Variants in TRPM8 observed in about 807,000 individuals in gnomAD.
TRPM8 encodes transient receptor potential cation channel subfamily M member 8, also known as TRPM8 cationic channel.
Under a neutral mutation model 133.7 loss-of-function variants are expected in TRPM8, and 110 were observed. The ratio of observed to expected loss-of-function variants is 0.82; its 90% confidence interval spans 0.70 to 0.96. TRPM8 has a LOEUF of 0.96. TRPM8 is among the 40% of genes least tolerant of loss of function. The pLI, the probability that TRPM8 is intolerant of heterozygous loss-of-function variation, is 0.00. For synonymous variants in TRPM8, 535 were observed against 532.3 expected (o/e 1.01, Z -0.07); for missense variants, 1,291 against 1,379.5 (o/e 0.94, Z 1.02).
Position 233,942,668 on chromosome 2 carries a change from G to A in TRPM8, c.619G>A (p.Glu207Lys), listed in dbSNP as rs758491633. The change falls in exon 6 of 26, where the codon GAG becomes AAG. Residue 207 changes from glutamate to lysine, a missense_variant. Glu to Lys is a moderately conservative substitution (Grantham distance 56). Coordinates refer to ENST00000324695, the MANE Select transcript of TRPM8 (RefSeq NM_024080.5). Reference protein sequence around the residue: ...RDNTISRSSEENIVAIGIAAW... With the variant: ...RDNTISRSSEKNIVAIGIAAW... ...TAACACCATCAGCAGGAGTTCAGAG[G>A]AGAATATTGTGGCCATTGGCATAGC... 3 of 1,614,230 alleles carry A rather than the reference G, an allele frequency of 1.9e-6. No homozygotes were observed. Among genetic ancestry groups the A allele is most frequent in the Non-Finnish European group, 2.5e-6 (3 of 1,180,050 alleles).
chr2:233,939,381 C>CT (rs1291802817), intron 5 of TRPM8, among the ~76,000 whole-genome samples: 1 of 152,204 alleles, frequency 6.6e-6, no homozygotes, highest in Non-Finnish European at 1.5e-5. Flanking sequence ...CACAGTAACT[C>CT]TAAATCAGCG....
rs1166319284 is a variant in TRPM8 at position 233,982,372 on chromosome 2, G to A, written c.2589+457G>A. Among the ~76,000 whole-genome samples the A allele has an allele frequency of 2.6e-5, 4 of 152,122 alleles. No individual in the cohort carries two copies. In the East Asian group the frequency reaches 5.8e-4, roughly 22 times the overall value. On this transcript the variant is annotated intron_variant, in intron 19 of 25. Coordinates refer to ENST00000324695, the MANE Select transcript of TRPM8 (RefSeq NM_024080.5). ...TACAGGGAAAGGCTATAGCAGTCTC[G>A]TTATATACACGCAATAGAAAGAATT...
At chr2:233,979,571 T>C (rs1366401684) in intron 17 of TRPM8, among the ~76,000 whole-genome samples, 1 of 152,250 alleles carries the variant, frequency 6.6e-6, no homozygotes, top group Non-Finnish European at 1.5e-5. Flanking sequence ...TCTCTGTTTA[T>C]TTCAGTGTTT....
Position 233,970,276 on chromosome 2 carries a change from C to T in TRPM8, c.2205C>T (p.Phe735=), listed in dbSNP as rs201851046. The T allele has an allele frequency of 3.8e-5, 62 of 1,614,078 alleles. No homozygotes were observed. The highest frequency in any genetic ancestry group is 1.5e-4 in the African/African-American group (11 of 74,922). The change falls in exon 17 of 26, where the codon TTC becomes TTT. Residue 735 remains phenylalanine (F), a synonymous_variant. Transcript: ENST00000324695. ...ATGTGGCGTTCTTCACCTCCCCCTTCGTGGTCTTCTCCTGGAATGTGGTCT... is the reference window on the plus strand; with the variant it reads ...ATGTGGCGTTCTTCACCTCCCCCTTTGTGGTCTTCTCCTGGAATGTGGTCT... The part of the protein sequence containing the change: ...WYYVAFFTSP[F]VVFSWNVVFY...
chr2:233,965,459 C>T (rs1402161905), intron 14 of TRPM8, among the ~76,000 whole-genome samples: 1 of 152,172 alleles, frequency 6.6e-6, no homozygotes, highest in Admixed American at 6.5e-5. Flanking sequence ...TGCCAGTGCC[C>T]TTTGCACAGA....
chr2:233,933,718 C>T (rs1691726128), intron 3 of TRPM8: 1 of 156,624 alleles, frequency 6.4e-6, no homozygotes, highest in Non-Finnish European at 1.5e-5. Context: ...ATAGCAAGAA[C>T]AGATGGGGCG....
chr2:233,917,791 T>C (rs1229907942), intron 1 of TRPM8, among the ~76,000 whole-genome samples: 2 of 150,760 alleles, frequency 1.3e-5, no homozygotes, highest in Admixed American at 6.6e-5. Context: ...ACTGACTATC[T>C]GAAGCAATCC....
At chr2:233,951,845 A>G (rs952319818) in intron 9 of TRPM8, among the ~76,000 whole-genome samples, 1 of 152,176 alleles carries the variant, frequency 6.6e-6, no homozygotes, top group Non-Finnish European at 1.5e-5. Flanking sequence ...TTATTAATTA[A>G]TGAATGTATA....
At chr2:233,982,196 T>TA (rs1234862540) in intron 19 of TRPM8, among the ~76,000 whole-genome samples, 1 of 152,212 alleles carries the variant, frequency 6.6e-6, no homozygotes, top group Non-Finnish European at 1.5e-5. Context: ...TCTTGACAGT[T>TA]TGCTAAGAGT....
chr2:233,960,925 T>C lies in TRPM8; in HGVS notation c.1512T>C (p.Leu504=). The change falls in exon 12 of 26, where the codon CTT becomes CTC. Residue 504 remains leucine (L), a synonymous_variant. Transcript: ENST00000324695. The part of the protein sequence containing the change: ...TELFSNHFST[L]VYRNLQIAKN... ...TCTTCTCCAACCACTTCAGCACGCT[T>C]GTGTACCGGAATCTGCAGATCGCCA... is the stretch of plus-strand genomic sequence containing the variant. 6.2e-7 allele frequency: 1 copy of C among 1,614,204 alleles called. No homozygotes were observed. Among genetic ancestry groups the C allele is most frequent in the South Asian group, 1.1e-5 (1 of 91,080 alleles).
chr2:234,016,308 A>T (rs963541883), intron 25 of TRPM8, among the ~76,000 whole-genome samples: 3 of 152,220 alleles, frequency 2.0e-5, no homozygotes, highest in African/African-American at 7.2e-5. Context: ...GGCCTCAGAG[A>T]CAACAAATTT....
intron 1 of TRPM8, among the ~76,000 whole-genome samples, chr2:233,924,611 C>T (rs748997756): frequency 3.9e-5 from 6 of 152,180 alleles, no homozygotes; most frequent in Non-Finnish European, 8.8e-5. Flanking sequence ...CCAGTTGAGA[C>T]TACCAGCTGC....
At chr2:233,976,635 C>G (rs1297716702) in intron 17 of TRPM8, among the ~76,000 whole-genome samples, 3 of 152,052 alleles carry the variant, frequency 2.0e-5, no homozygotes, top group East Asian at 3.9e-4. Context: ...CTAAGTATCT[C>G]TTCTTGTTAT....
At chr2:233,959,974 G>C (rs1691391698) in intron 11 of TRPM8, among the ~76,000 whole-genome samples, 2 of 150,862 alleles carry the variant, frequency 1.3e-5, no homozygotes, top group Admixed American at 1.3e-4. Context: ...GTAGAGATGG[G>C]GTTTCACCCT....
rs1276383267 is a variant in TRPM8 at position 234,009,216 on chromosome 2, G to A, written c.3264+1113G>A. Among the ~76,000 whole-genome samples the A allele has an allele frequency of 2.6e-5, 4 of 152,368 alleles. No individual in the cohort carries two copies. In the East Asian group the frequency reaches 7.7e-4, roughly 29 times the overall value. On this transcript the variant is annotated intron_variant, in intron 24 of 25. Coordinates refer to ENST00000324695, the MANE Select transcript of TRPM8 (RefSeq NM_024080.5). Reference sequence around the variant, plus strand: ...GAATGGTTGTGGAGGAGAGGCTCCAGCAATCTGGTTGGGGAGTTAGATGCG... The same window carrying A: ...GAATGGTTGTGGAGGAGAGGCTCCAACAATCTGGTTGGGGAGTTAGATGCG...
At chr2:233,939,287 G>A in intron 5 of TRPM8, 112 bp downstream of exon 5, 1 of 1,170,048 alleles carries the variant, frequency 8.5e-7, no homozygotes, top group Non-Finnish European at 1.2e-6. Context: ...GCTGCTAGAA[G>A]CATCTGATTA....
chr2:233,947,582 G>A (rs893613049), intron 8 of TRPM8: 1 of 1,290,968 alleles, frequency 7.7e-7, no homozygotes, highest in Non-Finnish European at 1.0e-6. Flanking sequence ...TGGGGATGCA[G>A]GTATGTTGCA....
At chr2:233,988,968 T>A (rs1355344258) in intron 21 of TRPM8, among the ~76,000 whole-genome samples, 1 of 152,194 alleles carries the variant, frequency 6.6e-6, no homozygotes, top group Non-Finnish European at 1.5e-5. Flanking sequence ...AGTGATAAGA[T>A]GTCATAGCTA....
At chr2:233,960,665 T>C (rs1691409895) in intron 11 of TRPM8, 111 bp from the exon 12 acceptor site, 2 of 812,024 alleles carry the variant, frequency 2.5e-6, no homozygotes, top group Admixed American at 4.9e-5. Flanking sequence ...GTTGAAGATA[T>C]TATTACTCTG....
Sources: gnomAD v4.1 joint callset for allele counts (sites outside exome capture counted in the v4.1 genomes callset) on GRCh38, gnomAD v4.1.1 for gene constraint, MANE v1.5 for transcripts, NCBI Gene and HGNC (gene_info 2026-07-23, HGNC 2026-07-21) for gene names.